Variants in FAM222B observed in about 807,000 individuals in gnomAD.
FAM222B encodes the protein protein FAM222B.
Under a neutral mutation model 38.0 loss-of-function variants are expected in FAM222B, and 12 were observed. The observed-to-expected ratio is 0.32, with a 90% CI of 0.20 to 0.51. The LOEUF (loss-of-function observed/expected upper bound fraction) is 0.51, where lower values mean the gene tolerates loss of function less well. Ranked by LOEUF, FAM222B falls within the 20% of genes least tolerant of loss-of-function variation. The pLI, the probability that FAM222B is intolerant of heterozygous loss-of-function variation, is 0.97. For missense variants in FAM222B, 716 were observed against 754.2 expected, an observed-to-expected ratio of 0.95 and a Z score of 0.59; for synonymous variants, 329 against 317.2, an observed-to-expected ratio of 1.04 and a Z score of -0.40.
At chr17:28,837,378 C>G (rs1460506063) in intron 1 of FAM222B, among the ~76,000 whole-genome samples, 1 of 149,350 alleles carries the variant, frequency 6.7e-6, no homozygotes, top group South Asian at 2.1e-4. Context: ...TGCAGTGAGC[C>G]GAGATCGAGC....
At chr17:28,769,444 G>A (rs2035513808) in intron 1 of FAM222B, among the ~76,000 whole-genome samples, 1 of 152,096 alleles carries the variant, frequency 6.6e-6, no homozygotes, top group Admixed American at 6.5e-5. Context: ...GCCTCCCAAA[G>A]TGCTGGGATT....
chr17:28,835,225 C>CG (rs1029875698), intron 1 of FAM222B, among the ~76,000 whole-genome samples: 46 of 152,078 alleles, frequency 3.0e-4, no homozygotes, highest in African/African-American at 2.9e-4. Flanking sequence ...TTAGTAGAGA[C>CG]GGGGTCTCAC....
Position 28,759,092 on chromosome 17 carries a change from C to T in FAM222B, c.867G>A (p.Glu289=). 6.2e-7 allele frequency: 1 copy of T among 1,611,638 alleles called. No individual in the cohort carries two copies. The highest frequency in any genetic ancestry group is 8.5e-7 in the Non-Finnish European group (1 of 1,178,994). The change falls in exon 3 of 3, where the codon GAG becomes GAA. Residue 289 remains glutamate (E), a synonymous_variant. Transcript: ENST00000581407. This position sits in a 1 kb window ranked among gnomAD's most constrained non-coding sequence, Gnocchi z 4.8. ...TGGGGCTGGGGTTGGCGATCTGGCC[C>T]TCACACACTGAGGTAGTGCTGATGC... The part of the protein sequence containing the change: ...RAGISTTSVC[E]GQIANPSPIS...
intron 1 of FAM222B, among the ~76,000 whole-genome samples, chr17:28,789,414 G>A (rs2036569365): frequency 6.6e-6 from 1 of 151,864 alleles, no homozygotes; most frequent in Admixed American, 6.6e-5. Context: ...AGCCAGGCTG[G>A]TCTTGAACTC....
At chr17:28,813,476 T>C (rs2037892984) in intron 1 of FAM222B, among the ~76,000 whole-genome samples, 1 of 152,164 alleles carries the variant, frequency 6.6e-6, no homozygotes, top group South Asian at 2.1e-4. Context: ...CTGATAATTA[T>C]ATGGAAGTAA....
chr17:28,766,594 A>G lies in FAM222B; in HGVS notation c.74T>C (p.Leu25Pro). The G allele has an allele frequency of 6.3e-7, 1 of 1,599,196 alleles. No individual in the cohort carries two copies. Among genetic ancestry groups the G allele is most frequent in the South Asian group, 1.1e-5 (1 of 88,338 alleles). Residue 25 changes from leucine (L) to proline (P), a missense_variant, in exon 2 of 3, where the codon CTT (leucine) becomes CCT (proline). Coordinates refer to ENST00000581407, the MANE Select transcript of FAM222B (RefSeq NM_001077498.3). The part of the protein sequence containing the change: ...LLSHTQMNTG[L>P]QKWDTTQKMR... Reference sequence around the variant, plus strand: ...GGATCCAGATTACTTACATTTCTGAAGTCCAGTGTTCATCTGCGTGTGAGA... The same window carrying G: ...GGATCCAGATTACTTACATTTCTGAGGTCCAGTGTTCATCTGCGTGTGAGA...
intron 1 of FAM222B, among the ~76,000 whole-genome samples, chr17:28,799,627 G>C (rs926105284): frequency 6.6e-6 from 1 of 151,958 alleles, no homozygotes; most frequent in Admixed American, 6.6e-5. Context: ...CTTTTTTTAA[G>C]AGACAGGGCT....
chr17:28,770,505 C>A (rs1189942996), intron 1 of FAM222B, among the ~76,000 whole-genome samples: 1 of 152,038 alleles, frequency 6.6e-6, no homozygotes, highest in Non-Finnish European at 1.5e-5. Context: ...CACGTTCAAG[C>A]GATTCTCCTG....
chr17:28,813,718 T>G (rs2151932602), intron 1 of FAM222B, among the ~76,000 whole-genome samples: 1 of 150,896 alleles, frequency 6.6e-6, no homozygotes, highest in East Asian at 2.0e-4. Context: ...TTTTTTTTTT[T>G]GTATTTTTTA....
intron 1 of FAM222B, among the ~76,000 whole-genome samples, chr17:28,809,256 CAGG>C (rs2037629703): frequency 6.6e-6 from 1 of 150,960 alleles, no homozygotes; most frequent in South Asian, 2.1e-4. Flanking sequence ...GAGGCTGAGG[CAGG>C]AGAACTGCTT....
At chr17:28,851,040 A>G (rs554603468) in intron 1 of FAM222B, among the ~76,000 whole-genome samples, 30 of 151,888 alleles carry the variant, frequency 2.0e-4, no homozygotes, top group African/African-American at 7.0e-4. Flanking sequence ...AATTGCTTGA[A>G]CCCAGGAGGT....
chr17:28,759,453 G>A lies in FAM222B; in HGVS notation c.506C>T (p.Pro169Leu), dbSNP rs1167257087. ...ACCCTGAGGGTGCTGCAGCGTCTGG[G>A]GAGGGGCATGGGCCAGGGTCTGTGC... The part of the protein sequence containing the change: ...QHAQTLAHAP[P>L]QTLQHPQGIP... The change falls in exon 3 of 3, where the codon CCC becomes CTC. Residue 169 changes from proline to leucine, a missense_variant. Transcript: ENST00000581407. The surrounding 1 kb of genome is among the most constrained non-coding windows in gnomAD (Gnocchi z 4.8). The A allele has an allele frequency of 1.3e-6, 2 of 1,572,236 alleles. No individual in the cohort carries two copies. Among genetic ancestry groups the A allele is most frequent in the East Asian group, 2.3e-5 (1 of 44,444 alleles).
intron 1 of FAM222B, among the ~76,000 whole-genome samples, chr17:28,796,936 T>A (rs2036967213): frequency 6.6e-6 from 1 of 151,138 alleles, no homozygotes; most frequent in Admixed American, 6.6e-5. Flanking sequence ...TTAGAATAAA[T>A]CTTCTTCAAG....
intron 1 of FAM222B, among the ~76,000 whole-genome samples, chr17:28,838,715 T>C (rs2038934902): frequency 1.3e-5 from 2 of 151,148 alleles, no homozygotes; most frequent in Non-Finnish European, 2.9e-5. Context: ...GAGACTAGCC[T>C]GGCCAACATG....
At chr17:28,804,815 G>A (rs1385864337) in intron 1 of FAM222B, among the ~76,000 whole-genome samples, 1 of 151,764 alleles carries the variant, frequency 6.6e-6, no homozygotes, top group African/African-American at 2.4e-5. Flanking sequence ...GGCCAAGGTG[G>A]GCAGATCACA....
At chr17:28,765,498 T>G (rs1249442979) in intron 2 of FAM222B, among the ~76,000 whole-genome samples, 1 of 152,142 alleles carries the variant, frequency 6.6e-6, no homozygotes, top group Non-Finnish European at 1.5e-5. Flanking sequence ...TCAGTTAAGG[T>G]GCTGAAGCAC....
rs543967023 is a variant in FAM222B at position 28,785,197 on chromosome 17, CT to C, written c.-40-18491del. On this transcript the variant is annotated intron_variant, in intron 1 of 2. Coordinates refer to ENST00000581407, the MANE Select transcript of FAM222B (RefSeq NM_001077498.3). Reference sequence around the variant, plus strand: ...GGTCAGTGGATCTGGTATTGAATCTCTGTCTTAGTTCCTAGACATGTGATCA... The same window carrying C: ...GGTCAGTGGATCTGGTATTGAATCTCGTCTTAGTTCCTAGACATGTGATCA... Among the ~76,000 whole-genome samples, 19 of 152,128 alleles carry C rather than the reference CT, an allele frequency of 1.2e-4. No individual in the cohort carries two copies. The South Asian group carries it at 3.7e-3, about 30-fold the overall frequency.
chr17:28,789,260 G>A (rs2036562173), intron 1 of FAM222B, among the ~76,000 whole-genome samples: 1 of 149,768 alleles, frequency 6.7e-6, no homozygotes, highest in South Asian at 2.1e-4. Context: ...GTGCAGTGGC[G>A]GAATCTCAGC....
chr17:28,791,675 A>ATTTTTTTTTTTTTTTTTT (rs869183871), intron 1 of FAM222B, among the ~76,000 whole-genome samples: 3 of 116,850 alleles, frequency 2.6e-5, no homozygotes, highest in South Asian at 2.9e-4. Context: ...GAGCCCAGGA[A>ATTTTTTTTTTTTTTTTTT]TTTTTTTTTT....
Sources: gnomAD v4.1 joint callset for allele counts (sites outside exome capture counted in the v4.1 genomes callset) on GRCh38, gnomAD v4.1.1 for gene constraint, Gnocchi (gnomAD v3.1) non-coding constraint, MANE v1.5 for transcripts, NCBI Gene and HGNC (gene_info 2026-07-23, HGNC 2026-07-21) for gene names.